ELK4: variants seen among roughly 807,000 people sequenced by gnomAD.
ELK4 encodes the protein ETS domain-containing protein Elk-4.
ELK4 carries 16 observed loss-of-function variants against 29.6 expected under a neutral mutation model. The observed-to-expected ratio is 0.54, with a 90% CI of 0.37 to 0.82. The LOEUF (loss-of-function observed/expected upper bound fraction) is 0.82. Among genes scored for constraint, ELK4 ranks in the 40% least tolerant of loss-of-function variants. The pLI is 0.00. For synonymous variants in ELK4, 213 were observed against 191.1 expected (o/e 1.11, Z -0.95); for missense variants, 465 against 507.1 (o/e 0.92, Z 0.80).
At chr1:205,620,971 C>G (rs1007382838) in intron 2 of ELK4, 133 bp from the exon 3 acceptor site, 44 of 1,013,262 alleles carry the variant, frequency 4.3e-5, no homozygotes, top group Non-Finnish European at 6.1e-5. Flanking sequence ...CCGAGGAGGG[C>G]GGATCACGAG....
intron 4 of ELK4, among the ~76,000 whole-genome samples, chr1:205,617,301 C>A (rs144059223): frequency 5.3e-5 from 8 of 152,184 alleles, no homozygotes; most frequent in Non-Finnish European, 1.0e-4. Context: ...TTTTTCCCTA[C>A]CATTTCATTT....
At position 205,620,214 on chromosome 1, in the gene ELK4, T is replaced by C. The variant is rs1220167484; in HGVS notation, c.832A>G (p.Ile278Val). 1.9e-6 allele frequency: 3 copies of C among 1,614,238 alleles called. No homozygotes were observed. The highest frequency in any genetic ancestry group is 2.5e-6 in the Non-Finnish European group (3 of 1,180,042). ...PSPPLSSHPD[I>V]DTDIDSVASQ... Reference sequence around the variant, plus strand: ...GCCACTGAATCAATGTCTGTGTCGATGTCTGGGTGAGAACTCAGTGGTGGT... The same window carrying C: ...GCCACTGAATCAATGTCTGTGTCGACGTCTGGGTGAGAACTCAGTGGTGGT... Residue 278 changes from isoleucine to valine, a missense_variant, in exon 3 of 5, where the codon ATC (isoleucine) becomes GTC (valine). Transcript: ENST00000357992.
chr1:205,628,434 G>A (rs1364599191), intron 1 of ELK4, among the ~76,000 whole-genome samples: 1 of 152,170 alleles, frequency 6.6e-6, no homozygotes, highest in Non-Finnish European at 1.5e-5. Flanking sequence ...TGCTTATAGG[G>A]GTGGAGTATG....
intron 1 of ELK4, among the ~76,000 whole-genome samples, chr1:205,629,925 G>A (rs1015896295): frequency 4.6e-5 from 7 of 151,552 alleles, no homozygotes; most frequent in Admixed American, 2.6e-4. Flanking sequence ...ATGGTAGTGC[G>A]TGACTACTCG....
rs1007530689 is a variant in ELK4, at chr1:205,613,086, AT to A, written c.*3459del. 5 of 196,780 alleles carry A rather than the reference AT, an allele frequency of 2.5e-5. No homozygotes were observed. Among genetic ancestry groups the A allele is most frequent in the Admixed American group, 6.2e-5 (1 of 16,170 alleles). 12.2% of individuals were successfully genotyped at this position (196,780 alleles called of 1,614,324 possible). On this transcript the variant is annotated 3_prime_UTR_variant, in exon 5 of 5. Coordinates refer to ENST00000357992, the MANE Select transcript of ELK4 (RefSeq NM_001973.4). ...TGTGCATACATTTAAAAAAAAAAAA[AT>A]CAATGGAAATTTCCACCTTTGTTCG...
At chr1:205,621,949 C>T (rs777485573) in intron 2 of ELK4, among the ~76,000 whole-genome samples, 5 of 152,130 alleles carry the variant, frequency 3.3e-5, no homozygotes, top group South Asian at 2.1e-4. Context: ...CAGTGGCTCA[C>T]GCCTGTAATC....
chr1:205,629,402 A>T (rs1670532394), intron 1 of ELK4, among the ~76,000 whole-genome samples: 1 of 152,154 alleles, frequency 6.6e-6, no homozygotes, highest in African/African-American at 2.4e-5. Context: ...GTGTGGTATT[A>T]ACAATGATCT....
chr1:205,630,443 G>A (rs934939357), intron 1 of ELK4, among the ~76,000 whole-genome samples: 4 of 152,116 alleles, frequency 2.6e-5, no homozygotes, highest in South Asian at 2.1e-4. Flanking sequence ...ATTTTTCAGA[G>A]ACAGTAGCTA....
At chr1:205,625,584 GA>G in intron 1 of ELK4, 12 of 1,178,750 alleles carry the variant, frequency 1.0e-5, no homozygotes, top group Non-Finnish European at 1.4e-5. Context: ...GGTGATAGTA[GA>G]AAAGGCTCCC....
In ELK4 at chr1:205,616,620, C is replaced by T; in HGVS notation, c.1222G>A (p.Gly408Arg). The T allele has an allele frequency of 4.3e-6, 7 of 1,614,096 alleles. No individual in the cohort carries two copies. The highest frequency in any genetic ancestry group is 5.9e-6 in the Non-Finnish European group (7 of 1,179,982). The change falls in exon 5 of 5, where the codon GGG becomes AGG. Residue 408 changes from glycine (G) to arginine (R), a missense_variant. Around this residue, in one of 2 missense-constraint regions of ELK4, gnomAD observed 80 missense variants for 119.6 expected, o/e 0.67. Transcript: ENST00000357992. ...FQFPSVLNSH[G>R]PFTLSGLDGP... is the part of the protein sequence containing the mutation. ...TCCAGCCCAGACAGAGTGAATGGCC[C>T]ATGACTGTTCAGTACAGAAGGAAAC...
chr1:205,624,856 G>A (rs578209038), intron 1 of ELK4, among the ~76,000 whole-genome samples: 41 of 152,256 alleles, frequency 2.7e-4, no homozygotes, highest in African/African-American at 9.6e-4. Context: ...AGTCATCCCG[G>A]TAGATAACCA....
rs963612421 is a variant in ELK4, at chr1:205,615,688, T to C, written c.*858A>G. ...TTCAAATATTCAAAATCCAAGTTCA[T>C]CCTCCTAAAAGTGATCATTTCCCAT... is the stretch of plus-strand genomic sequence containing the variant. On this transcript the variant is annotated 3_prime_UTR_variant, in exon 5 of 5. Coordinates refer to ENST00000357992, the MANE Select transcript of ELK4 (RefSeq NM_001973.4). The C allele has an allele frequency of 4.8e-6, 1 of 208,596 alleles. No homozygotes were observed. The highest frequency in any genetic ancestry group is 2.3e-5 in the African/African-American group (1 of 43,972). 12.9% of individuals were successfully genotyped at this position (208,596 alleles called of 1,614,324 possible).
At chr1:205,619,277 T>C (rs1466724526) in intron 3 of ELK4, 2 of 1,050,828 alleles carry the variant, frequency 1.9e-6, no homozygotes, top group Non-Finnish European at 2.3e-6. Flanking sequence ...CTTAAAATTT[T>C]TTAAATTTTT....
intron 1 of ELK4, among the ~76,000 whole-genome samples, chr1:205,631,114 A>T (rs1024569152): frequency 6.6e-6 from 1 of 152,224 alleles, no homozygotes; most frequent in Admixed American, 6.5e-5. Context: ...AGCTGTGCAC[A>T]AGGCGGAAAG....
chr1:205,621,089 G>T (rs1670336316), intron 2 of ELK4, among the ~76,000 whole-genome samples: 1 of 151,352 alleles, frequency 6.6e-6, no homozygotes, highest in South Asian at 2.1e-4. Context: ...CAGCTACTCA[G>T]GAGGCCGAGG....
At chr1:205,630,052 C>CAACAA (rs1197470679) in intron 1 of ELK4, among the ~76,000 whole-genome samples, 1 of 150,744 alleles carries the variant, frequency 6.6e-6, no homozygotes, top group Non-Finnish European at 1.5e-5. Context: ...AACAAAAACA[C>CAACAA]AACAAAACAA....
chr1:205,626,170 C>T, intron 1 of ELK4: 2 of 635,990 alleles, frequency 3.1e-6, no homozygotes, highest in South Asian at 1.4e-5. Context: ...TACCCCTGAG[C>T]TGGAAGGGGG....
intron 1 of ELK4, among the ~76,000 whole-genome samples, chr1:205,628,022 TA>T (rs1670500926): frequency 6.6e-6 from 1 of 152,208 alleles, no homozygotes; most frequent in African/African-American, 2.4e-5. Flanking sequence ...ACTTTCCAAA[TA>T]AATAAAAGCA....
rs1247961917 is a variant in ELK4, at chr1:205,631,864, C to T, written c.-242G>A. 6.7e-6 allele frequency: 1 copy of T among 148,292 alleles called. No individual in the cohort carries two copies. Among genetic ancestry groups the T allele is most frequent in the African/African-American group, 2.4e-5 (1 of 41,004 alleles). The allele number at this position is 148,292 out of a possible 1,614,324, so 9.2% of individuals were successfully genotyped here. A position where few individuals can be genotyped will look rare whatever the true frequency, so the allele number is the denominator to read the frequency against. ...GCCCCGCCCTCCCCGCCCCCGCACG[C>T]GGCAGCGGCGGCGCGGGTCTTGGGG... is the stretch of plus-strand genomic sequence containing the variant. On this transcript the variant is annotated 5_prime_UTR_variant, in exon 1 of 5. Transcript: ENST00000357992.
Sources: gnomAD v4.1 joint callset for allele counts (sites outside exome capture counted in the v4.1 genomes callset) on GRCh38, gnomAD v4.1.1 for gene constraint, gnomAD v4.1.1 regional missense constraint, MANE v1.5 for transcripts, NCBI Gene and HGNC (gene_info 2026-07-23, HGNC 2026-07-21) for gene names.